The following PPP6R2 variants were observed in gnomAD, a reference collection of about 807,000 sequenced individuals.
PPP6R2 encodes the protein protein phosphatase 6 regulatory subunit 2, also known as serine/threonine-protein phosphatase 6 regulatory subunit 2.
A neutral mutation model predicts 100.2 loss-of-function variants in PPP6R2; 62 were observed. The ratio of observed to expected loss-of-function variants is 0.62; its 90% CI spans 0.50 to 0.76. The LOEUF is 0.76. PPP6R2 is among the 30% of genes least tolerant of loss of function. PPP6R2 has a pLI of 0.00. For missense variants in PPP6R2, 1,142 were observed against 1,276.3 expected (o/e 0.89, Z 1.60); for synonymous variants, 525 against 514.7 (o/e 1.02, Z -0.27).
chr22:50,439,672 G>A (rs374608680), intron 19 of PPP6R2, 29 bp from the exon 20 acceptor site: 130 of 1,535,870 alleles, frequency 8.5e-5, no homozygotes, highest in Non-Finnish European at 1.1e-4. Flanking sequence ...GCCTGCCCAC[G>A]CCTGACCACT....
intron 19 of PPP6R2, among the ~76,000 whole-genome samples, chr22:50,439,120 C>T (rs1252092433): frequency 6.6e-6 from 1 of 152,200 alleles, no homozygotes; most frequent in Non-Finnish European, 1.5e-5. Flanking sequence ...TCATGGCCGA[C>T]ATCTATGGCA....
chr22:50,399,676 A>G (rs2057704704), intron 3 of PPP6R2, among the ~76,000 whole-genome samples: 1 of 152,272 alleles, frequency 6.6e-6, no homozygotes, highest in Non-Finnish European at 1.5e-5. Context: ...CTGCTTAATT[A>G]AAGCCAGGGG....
At chr22:50,410,254 A>G (rs2059551828) in intron 4 of PPP6R2, among the ~76,000 whole-genome samples, 1 of 152,068 alleles carries the variant, frequency 6.6e-6, no homozygotes, top group Non-Finnish European at 1.5e-5. Flanking sequence ...AGCAGCCATC[A>G]CTGATTGTGT....
upstream of PPP6R2, among the ~76,000 whole-genome samples, chr22:50,339,544 TGG>T (rs2042345311): frequency 9.0e-6 from 1 of 110,684 alleles, no homozygotes; most frequent in African/African-American, 3.5e-5. Flanking sequence ...GGTGTGTGTG[TGG>T]TGTGTGTGTG....
intron 1 of PPP6R2, among the ~76,000 whole-genome samples, chr22:50,362,441 T>C (rs1299235102): frequency 6.6e-6 from 1 of 152,126 alleles, no homozygotes; most frequent in Non-Finnish European, 1.5e-5. Flanking sequence ...TTGAAGACCT[T>C]GGAATGTGCA....
At chr22:50,393,516 G>A (rs988881576) in intron 2 of PPP6R2, 2 of 985,052 alleles carry the variant, frequency 2.0e-6, no homozygotes, top group Non-Finnish European at 2.4e-6. Context: ...GGGGCATGTC[G>A]AGCACGCTGG....
chr22:50,383,198 TTC>T, intron 2 of PPP6R2, among the ~76,000 whole-genome samples: 1 of 152,130 alleles, frequency 6.6e-6, no homozygotes, highest in East Asian at 1.9e-4. Flanking sequence ...GATTGAAGAA[TTC>T]CAATTCATTC....
chr22:50,362,388 G>T (rs1569292166), intron 1 of PPP6R2, among the ~76,000 whole-genome samples: 1 of 152,218 alleles, frequency 6.6e-6, no homozygotes, highest in Non-Finnish European at 1.5e-5. Flanking sequence ...TGGGAGACCA[G>T]CTGGGCCTCC....
chr22:50,436,445 TG>T lies in PPP6R2; in HGVS notation c.1597del (p.Asp533ThrfsTer3). 6.3e-7 allele frequency: 1 copy of T among 1,589,782 alleles called. No individual in the cohort carries two copies. The highest frequency in any genetic ancestry group is 1.1e-5 in the South Asian group (1 of 87,038). Reference protein sequence around the residue: ...TLTETNRRNTVDLVSTHHLHS... With the variant: ...TLTETNRRNTXDLVSTHHLHS... ...ACGGAGACGAACCGCAGGAACACTG[TG>T]GACCTGGTGAGGAGGCTCGGGGCTG... On this transcript the variant is annotated frameshift_variant, in exon 14 of 24. Transcript: ENST00000612753. LOFTEE classifies it high-confidence loss of function.
intron 2 of PPP6R2, among the ~76,000 whole-genome samples, chr22:50,388,393 CA>C (rs745823253): frequency 2.7e-3 from 340 of 126,262 alleles, no homozygotes; most frequent in Admixed American, 3.2e-3. Context: ...GACCCTATCT[CA>C]AAAAAAAAAA....
In PPP6R2 at chr22:50,431,624, GGGTTAGCACT is replaced by G; in HGVS notation, c.1335+245_1335+254del. On this transcript the variant is annotated intron_variant, in intron 11 of 23. Transcript: ENST00000612753. This position sits in a 1 kb window ranked among gnomAD's most constrained non-coding sequence, Gnocchi z 4.8. Reference sequence around the variant, plus strand: ...TGCCTTCCACGTGCAGGCCTGGCAAGGGTTAGCACTGGATGAGATGAGTTCAGTCTGGCCT... The same window carrying G: ...TGCCTTCCACGTGCAGGCCTGGCAAGGGATGAGATGAGTTCAGTCTGGCCT... Among the ~76,000 whole-genome samples, 1 of 152,312 alleles carries G rather than the reference GGGTTAGCACT, an allele frequency of 6.6e-6. No homozygotes were observed. Among genetic ancestry groups the G allele is most frequent in the Non-Finnish European group, 1.5e-5 (1 of 68,030 alleles).
intron 2 of PPP6R2, among the ~76,000 whole-genome samples, chr22:50,377,994 C>T (rs1383538186): frequency 2.0e-5 from 3 of 152,020 alleles, no homozygotes; most frequent in Non-Finnish European, 4.4e-5. Context: ...GAGCAAGACT[C>T]CGTCTCAAAA....
rs557795979 is a variant in PPP6R2, at chr22:50,401,352, G to A, written c.228-5337G>A. Among the ~76,000 whole-genome samples the A allele has an allele frequency of 4.8e-5, 7 of 144,860 alleles. No individual in the cohort carries two copies. In the South Asian group the frequency reaches 8.9e-4, roughly 18 times the overall value. On this transcript the variant is annotated intron_variant, in intron 3 of 23. Coordinates refer to ENST00000612753, the MANE Select transcript of PPP6R2 (RefSeq NM_001242898.2). ...CTCCCGTGTAGCTGGAACTACAGAC[G>A]CCCACCACCACGCCCGGCTAATTTT... is the stretch of plus-strand genomic sequence containing the variant.
intron 1 of PPP6R2, among the ~76,000 whole-genome samples, chr22:50,355,017 A>G (rs1378482748): frequency 6.7e-6 from 1 of 148,220 alleles, no homozygotes; most frequent in Non-Finnish European, 1.5e-5. Flanking sequence ...CTAATTTTTT[A>G]TTTTTTGTGG....
At position 50,365,199 on chromosome 22, in the gene PPP6R2, G is replaced by A. The variant is rs562852654; in HGVS notation, c.-147-6821G>A. On this transcript the variant is annotated intron_variant, in intron 1 of 23. Coordinates refer to ENST00000612753, the MANE Select transcript of PPP6R2 (RefSeq NM_001242898.2). The stretch of plus-strand genomic sequence containing the variant: ...CAATTCTCCTGCCTCAGCGTCCCAA[G>A]TAGCTGGGATTACAGGCATGCACCA... Among the ~76,000 whole-genome samples the A allele has an allele frequency of 2.9e-3, 433 of 151,418 alleles. 1 individual carries two copies. The highest frequency in any genetic ancestry group is 0.014 in the Middle Eastern group (4 of 294).
chr22:50,443,693 A>C lies in PPP6R2; in HGVS notation c.2580-173A>C, dbSNP rs538301794. On this transcript the variant is annotated intron_variant, in intron 22 of 23. Transcript: ENST00000612753. The stretch of plus-strand genomic sequence containing the variant: ...CAGTACTTGGAACTTGGGGCAGCAG[A>C]GCTGCCTAGCTGGGCACAACCTGGG... 3.9e-6 allele frequency: 3 copies of C among 769,408 alleles called. No individual in the cohort carries two copies. The East Asian group carries it at 8.1e-5, about 21-fold the overall frequency. 47.7% of individuals were successfully genotyped at this position (769,408 alleles called of 1,614,324 possible).
intron 1 of PPP6R2, among the ~76,000 whole-genome samples, chr22:50,351,045 T>TG (rs2045061889): frequency 7.8e-6 from 1 of 128,272 alleles, no homozygotes; most frequent in African/African-American, 2.8e-5. Flanking sequence ...TTTTTTTTTT[T>TG]TTTTTTTTTT....
At chr22:50,377,275 G>A (rs906185601) in intron 2 of PPP6R2, among the ~76,000 whole-genome samples, 4 of 152,004 alleles carry the variant, frequency 2.6e-5, no homozygotes, top group Non-Finnish European at 4.4e-5. Flanking sequence ...GCAACATGGT[G>A]AAAACCTGTC....
At chr22:50,411,344 C>T (rs1395381913) in intron 4 of PPP6R2, among the ~76,000 whole-genome samples, 1 of 151,768 alleles carries the variant, frequency 6.6e-6, no homozygotes, top group African/African-American at 2.4e-5. Flanking sequence ...ATCCCAGCTC[C>T]TTGGTGGGGC....
Sources: allele counts gnomAD v4.1 joint callset (sites outside exome capture counted in the v4.1 genomes callset), GRCh38; gene constraint gnomAD v4.1.1; non-coding constraint Gnocchi (gnomAD v3.1); transcripts MANE v1.5; gene names NCBI Gene and HGNC (gene_info 2026-07-23, HGNC 2026-07-21).